CPM: variants seen among roughly 807,000 people sequenced by gnomAD.
CPM encodes renal carboxypeptidase.
CPM carries 35 observed loss-of-function variants against 46.4 expected under a neutral mutation model. That is an observed-to-expected ratio of 0.75 (90% confidence interval 0.58 to 1.00). The LOEUF is 1.00. Among genes scored for constraint, CPM ranks in the 50% least tolerant of loss-of-function variants. The pLI, the probability that CPM is intolerant of heterozygous loss-of-function variation, is 0.00. For missense variants in CPM, 422 were observed against 530.4 expected, an observed-to-expected ratio of 0.80 and a Z score of 2.01; for synonymous variants, 195 against 195.3, an observed-to-expected ratio of 1.00 and a Z score of 0.01.
At chr12:68,877,509 A>G (rs1239470348) in intron 3 of CPM, among the ~76,000 whole-genome samples, 1 of 152,216 alleles carries the variant, frequency 6.6e-6, no homozygotes, top group Non-Finnish European at 1.5e-5. Flanking sequence ...AACACATTTT[A>G]TAGAGGCACA....
At chr12:68,955,724 G>C (rs1211621257) in intron 1 of CPM, among the ~76,000 whole-genome samples, 1 of 152,130 alleles carries the variant, frequency 6.6e-6, no homozygotes, top group Non-Finnish European at 1.5e-5. Flanking sequence ...GGTCTGTGCA[G>C]CCCTCAGCTG....
At chr12:68,945,541 G>C (rs968447009) in intron 1 of CPM, among the ~76,000 whole-genome samples, 2 of 152,190 alleles carry the variant, frequency 1.3e-5, no homozygotes, top group Non-Finnish European at 2.9e-5. Context: ...AAGGTAAGAG[G>C]AGTGAAACCA....
chr12:68,897,786 T>TGC (rs1274399209), intron 2 of CPM, among the ~76,000 whole-genome samples: 1 of 151,602 alleles, frequency 6.6e-6, no homozygotes, highest in Non-Finnish European at 1.5e-5. Context: ...CACTATACAG[T>TGC]TATTGTCCAT....
At chr12:68,934,118 C>T (rs144613172), upstream of CPM, among the ~76,000 whole-genome samples, 303 of 152,222 alleles carry the variant, frequency 2.0e-3, no homozygotes, top group African/African-American at 7.0e-3. Flanking sequence ...CCCCCTCTCC[C>T]CTTCCCTCTC....
At chr12:68,888,618 G>GTTTTGT (rs776531788) in intron 2 of CPM, among the ~76,000 whole-genome samples, 3 of 152,152 alleles carry the variant, frequency 2.0e-5, no homozygotes, top group Non-Finnish European at 4.4e-5. Context: ...TCTAAACAAG[G>GTTTTGT]TTTTGTTTTT....
Position 68,852,483 on chromosome 12 carries a change from TTACAGA to T in CPM, c.*3948_*3953del, listed in dbSNP as rs1225205983. 6.6e-6 allele frequency: 1 copy of T among 152,114 alleles called. No homozygotes were observed. The highest frequency in any genetic ancestry group is 1.9e-4 in the East Asian group (1 of 5,192). 9.4% of individuals were successfully genotyped at this position (152,114 alleles called of 1,614,324 possible). A position where few individuals can be genotyped will look rare whatever the true frequency, so the allele number is the denominator to read the frequency against. ...AGCGTGGCGGGGGGTGGTCTCCATT[TTACAGA>T]TAAAGAAACTGAATGTGTGGCGGAT... On this transcript the variant is annotated 3_prime_UTR_variant, in exon 9 of 9. Coordinates refer to ENST00000551568, the MANE Select transcript of CPM (RefSeq NM_198320.5).
chr12:68,904,843 A>G (rs757281207), intron 2 of CPM, among the ~76,000 whole-genome samples: 2 of 152,238 alleles, frequency 1.3e-5, no homozygotes, highest in African/African-American at 2.4e-5. Flanking sequence ...CTCCTATCTA[A>G]TGAACAGAAA....
At chr12:68,886,006 G>T in intron 2 of CPM, 117 bp from the exon 3 acceptor site, 1 of 772,718 alleles carries the variant, frequency 1.3e-6, no homozygotes. Flanking sequence ...CTGTTTCATG[G>T]TGACTTAAGT....
intron 2 of CPM, among the ~76,000 whole-genome samples, chr12:68,931,763 A>AAAAAAAAAAAAAAAAG (rs1482981614): frequency 6.8e-5 from 9 of 132,494 alleles, no homozygotes; most frequent in Non-Finnish European, 1.1e-4. Flanking sequence ...AAAAAAAAAA[A>AAAAAAAAAAAAAAAAG]AAAGAAAGAA....
At chr12:68,921,030 C>T (rs1158896332) in intron 2 of CPM, among the ~76,000 whole-genome samples, 1 of 151,196 alleles carries the variant, frequency 6.6e-6, no homozygotes, top group African/African-American at 2.5e-5. Flanking sequence ...GAAAAAAGGC[C>T]TTCTTCACAT....
upstream of CPM, among the ~76,000 whole-genome samples, chr12:68,933,586 G>T (rs937849313): frequency 9.9e-5 from 15 of 152,192 alleles, no homozygotes; most frequent in African/African-American, 3.6e-4. Flanking sequence ...CGGTGCCGGG[G>T]CCCACCTGGA....
intron 2 of CPM, among the ~76,000 whole-genome samples, chr12:68,914,425 T>C (rs1887725419): frequency 6.6e-6 from 1 of 152,228 alleles, no homozygotes; most frequent in African/African-American, 2.4e-5. Flanking sequence ...ATTGCTTTCA[T>C]TTTCCCATTC....
chr12:68,856,466 C>T lies in CPM; in HGVS notation c.1303G>A (p.Val435Met), dbSNP rs1281840905. 1.9e-6 allele frequency: 3 copies of T among 1,613,912 alleles called. No homozygotes were observed. Among genetic ancestry groups the T allele is most frequent in the Non-Finnish European group, 1.7e-6 (2 of 1,180,006 alleles). Residue 435 changes from valine to methionine, a missense_variant, in exon 9 of 9, where the codon GTG becomes ATG. By Grantham distance (21) the Val-to-Met change is conservative (BLOSUM62 1). Coordinates refer to ENST00000551568, the MANE Select transcript of CPM (RefSeq NM_198320.5). The part of the protein sequence containing the change: ...ATKPSLFLFL[V>M]SLLHIFFK ...TTGAAGAATATGTGCAAAAGACTCA[C>T]TAAAAATAAGAACAAACTAGGCTTT...
intron 1 of CPM, among the ~76,000 whole-genome samples, chr12:68,960,535 G>C (rs1388241117): frequency 6.6e-6 from 1 of 152,128 alleles, no homozygotes; most frequent in Non-Finnish European, 1.5e-5. Flanking sequence ...TTGAATAAAA[G>C]GGATAATGCT....
intron 3 of CPM, among the ~76,000 whole-genome samples, chr12:68,872,328 T>C (rs2136233447): frequency 6.8e-6 from 1 of 147,708 alleles, no homozygotes; most frequent in Middle Eastern, 3.6e-3. Context: ...TCTTGGCTCA[T>C]TGCAACCTCC....
At chr12:68,947,040 G>A (rs949567829) in intron 1 of CPM, among the ~76,000 whole-genome samples, 1 of 152,154 alleles carries the variant, frequency 6.6e-6, no homozygotes, top group East Asian at 1.9e-4. Context: ...GAACACATAA[G>A]CTCTCCATGA....
chr12:68,875,590 G>A (rs1405847204), intron 3 of CPM, among the ~76,000 whole-genome samples: 1 of 152,072 alleles, frequency 6.6e-6, no homozygotes, highest in Non-Finnish European at 1.5e-5. Context: ...CAGATCGCCT[G>A]AGGTAGGGAG....
At chr12:68,927,327 T>C (rs1236551473) in intron 2 of CPM, among the ~76,000 whole-genome samples, 1 of 151,782 alleles carries the variant, frequency 6.6e-6, no homozygotes, top group Non-Finnish European at 1.5e-5. Flanking sequence ...ATGGTGAGCA[T>C]TTTTTCATGT....
At chr12:68,917,145 A>G (rs1264217204) in intron 2 of CPM, among the ~76,000 whole-genome samples, 4 of 152,012 alleles carry the variant, frequency 2.6e-5, no homozygotes, top group Admixed American at 2.6e-4. Context: ...TTGCTCCTCA[A>G]AGTCAATATG....
Sources: gnomAD v4.1 joint callset for allele counts (sites outside exome capture counted in the v4.1 genomes callset) on GRCh38, gnomAD v4.1.1 for gene constraint, MANE v1.5 for transcripts, NCBI Gene and HGNC (gene_info 2026-07-23, HGNC 2026-07-21) for gene names.